HELZ: variants seen among roughly 807,000 people sequenced by gnomAD.
HELZ encodes the protein ATP-dependent RNA helicase with zinc finger domain.
A neutral mutation model predicts 218.2 loss-of-function variants in HELZ; 23 were observed. The ratio of observed to expected loss-of-function variants is 0.11; its 90% CI spans 0.08 to 0.15. The LOEUF (loss-of-function observed/expected upper bound fraction) is 0.15, where lower values mean the gene tolerates loss of function less well. Among genes scored for constraint, HELZ ranks in the 10% least tolerant of loss-of-function variants. HELZ has a pLI of 1.00. For synonymous variants in HELZ, 814 were observed against 829.4 expected, an observed-to-expected ratio of 0.98 and a Z score of 0.32; for missense variants, 1,813 against 2,353.7, an observed-to-expected ratio of 0.77 and a Z score of 4.75.
intron 31 of HELZ, among the ~76,000 whole-genome samples, chr17:67,104,434 A>AT (rs1168836006): frequency 7.7e-6 from 1 of 129,510 alleles, no homozygotes; most frequent in Non-Finnish European, 1.7e-5. Context: ...GCGAGACGCC[A>AT]TTTCAAAAAA....
chr17:67,208,459 G>A (rs117524365), intron 5 of HELZ, among the ~76,000 whole-genome samples: 1 of 152,154 alleles, frequency 6.6e-6, no homozygotes, highest in Non-Finnish European at 1.5e-5. Context: ...AATAACTGGG[G>A]GAAAGTAGGT....
chr17:67,210,464 A>C (rs2040422010), intron 5 of HELZ, among the ~76,000 whole-genome samples: 1 of 152,174 alleles, frequency 6.6e-6, no homozygotes, highest in Non-Finnish European at 1.5e-5. Context: ...TACATTAACA[A>C]AACTCTTAGC....
chr17:67,129,457 T>C (rs1390650673), intron 23 of HELZ, among the ~76,000 whole-genome samples: 2 of 152,048 alleles, frequency 1.3e-5, no homozygotes, highest in Non-Finnish European at 2.9e-5. Context: ...AAGGCCAAAG[T>C]AGCCTAGTGT....
At chr17:67,226,942 T>G (rs1034524684) in intron 3 of HELZ, among the ~76,000 whole-genome samples, 4 of 152,126 alleles carry the variant, frequency 2.6e-5, no homozygotes, top group Non-Finnish European at 4.4e-5. Context: ...AATATAAAAC[T>G]ATAAAAATGA....
intron 12 of HELZ, among the ~76,000 whole-genome samples, chr17:67,183,935 A>G (rs1598386793): frequency 6.6e-6 from 1 of 152,172 alleles, no homozygotes; most frequent in East Asian, 1.9e-4. Flanking sequence ...AAATGACTAG[A>G]GAAAAAAAAT....
intron 5 of HELZ, among the ~76,000 whole-genome samples, chr17:67,204,488 C>A (rs1265537859): frequency 6.6e-6 from 1 of 152,062 alleles, no homozygotes; most frequent in Non-Finnish European, 1.5e-5. Flanking sequence ...CAGTATTTTC[C>A]ATGTGATCAG....
intron 32 of HELZ, among the ~76,000 whole-genome samples, chr17:67,086,599 T>C (rs981657807): frequency 1.5e-4 from 19 of 126,472 alleles, no homozygotes; most frequent in African/African-American, 5.9e-4. Context: ...TATACATATA[T>C]TAATATATAT....
chr17:67,112,989 G>GT (rs1463410122), intron 28 of HELZ, among the ~76,000 whole-genome samples: 2 of 152,172 alleles, frequency 1.3e-5, no homozygotes, highest in African/African-American at 4.8e-5. Flanking sequence ...AAGTATGTTC[G>GT]TAAGAGCACA....
At chr17:67,205,894 C>T (rs1176384088) in intron 5 of HELZ, among the ~76,000 whole-genome samples, 1 of 152,162 alleles carries the variant, frequency 6.6e-6, no homozygotes, top group African/African-American at 2.4e-5. Flanking sequence ...TCCTGTTCCC[C>T]TTAAATGAAA....
At chr17:67,106,183 C>G (rs1358238673) in intron 31 of HELZ, among the ~76,000 whole-genome samples, 1 of 151,950 alleles carries the variant, frequency 6.6e-6, no homozygotes, top group Non-Finnish European at 1.5e-5. Flanking sequence ...ATCAGCTAGA[C>G]ATTTTTGTAG....
intron 12 of HELZ, among the ~76,000 whole-genome samples, chr17:67,183,626 C>G (rs2039672222): frequency 6.6e-6 from 1 of 152,112 alleles, no homozygotes; most frequent in African/African-American, 2.4e-5. Context: ...CATGTTGCTT[C>G]CAGATATTCA....
Position 67,074,191 on chromosome 17 carries a change from G to C in HELZ, c.*4061C>G, listed in dbSNP as rs1041742995. On this transcript the variant is annotated 3_prime_UTR_variant, in exon 33 of 33. Transcript: ENST00000358691. ...TTTTCATATGTTAAGGGGATGGTGA[G>C]CAAGAAATAATGTACGGTAAATCAT... is the stretch of plus-strand genomic sequence containing the variant. The C allele has an allele frequency of 2.6e-5, 4 of 151,414 alleles. No individual in the cohort carries two copies. Among genetic ancestry groups the C allele is most frequent in the African/African-American group, 7.3e-5 (3 of 41,218 alleles). The allele number at this position is 151,414 out of a possible 1,614,324, so 9.4% of individuals were successfully genotyped here. A position where few individuals can be genotyped will look rare whatever the true frequency, so the allele number is the denominator to read the frequency against.
chr17:67,159,950 T>G (rs977919938), intron 17 of HELZ, among the ~76,000 whole-genome samples: 1 of 152,176 alleles, frequency 6.6e-6, no homozygotes, highest in Non-Finnish European at 1.5e-5. Context: ...CTAGATTTAA[T>G]TTAAGTTATC....
intron 17 of HELZ, among the ~76,000 whole-genome samples, chr17:67,159,463 G>C (rs2038935885): frequency 6.6e-6 from 1 of 151,876 alleles, no homozygotes; most frequent in South Asian, 2.1e-4. Context: ...AAACGTTAGT[G>C]ACTTATGATT....
chr17:67,170,188 A>G (rs2039266304), intron 13 of HELZ, among the ~76,000 whole-genome samples: 1 of 152,180 alleles, frequency 6.6e-6, no homozygotes. Context: ...CTCAGGATCT[A>G]GCCCACTCCC....
chr17:67,123,042 A>G lies in HELZ; in HGVS notation c.3558T>C (p.Pro1186=), dbSNP rs749257860. Residue 1186 remains proline (P), a synonymous_variant, in exon 26 of 33, where the codon CCT becomes CCC. Transcript: ENST00000358691. ...CATAAAGAATACTTGTCCCAGTGTG[A>G]GGATCTATTCTTTGAACAGGGCTTG... ...KSPSPVQRID[P]HTGTSILYVP... The G allele has an allele frequency of 3.4e-5, 55 of 1,613,440 alleles. No individual in the cohort carries two copies. The Admixed American group carries it at 9.2e-4, about 27-fold the overall frequency.
At chr17:67,192,909 T>C (rs1489335795) in intron 9 of HELZ, among the ~76,000 whole-genome samples, 1 of 152,248 alleles carries the variant, frequency 6.6e-6, no homozygotes, top group African/African-American at 2.4e-5. Context: ...TATTCATAAA[T>C]TCTACATAAG....
chr17:67,133,417 T>C (rs568332345), intron 23 of HELZ, among the ~76,000 whole-genome samples: 1 of 152,348 alleles, frequency 6.6e-6, no homozygotes, highest in East Asian at 1.9e-4. Flanking sequence ...TATAATATGA[T>C]TCTTTAAGAA....
chr17:67,115,816 A>C (rs1413846023), intron 27 of HELZ, among the ~76,000 whole-genome samples: 7 of 152,172 alleles, frequency 4.6e-5, no homozygotes, highest in Non-Finnish European at 1.0e-4. Flanking sequence ...ATTTTTAAAA[A>C]GTCTTTCAGG....
Sources: gnomAD v4.1 joint callset for allele counts (sites outside exome capture counted in the v4.1 genomes callset) on GRCh38, gnomAD v4.1.1 for gene constraint, MANE v1.5 for transcripts, NCBI Gene and HGNC (gene_info 2026-07-23, HGNC 2026-07-21) for gene names.